TIMP2: variants seen among roughly 807,000 people sequenced by gnomAD.
The protein encoded by TIMP2 is TIMP metallopeptidase inhibitor 2.
In TIMP2, 5 loss-of-function variants were observed where a neutral mutation model predicts 24.3. The ratio of observed to expected loss-of-function variants is 0.21; its 90% CI spans 0.11 to 0.43. The LOEUF (loss-of-function observed/expected upper bound fraction) is 0.43, where lower values mean the gene tolerates loss of function less well. Among genes scored for constraint, TIMP2 ranks in the 20% least tolerant of loss-of-function variants. The probability of loss-of-function intolerance (pLI) is 1.00; values close to 1 mark genes in which losing one functional copy is unlikely to be tolerated. For synonymous variants in TIMP2, 130 were observed against 123.2 expected (o/e 1.06, Z -0.37); for missense variants, 221 against 297.5 (o/e 0.74, Z 1.89).
At chr17:78,901,636 T>C (rs140442353) in intron 1 of TIMP2, 6,963 of 692,834 alleles carry the variant, frequency 0.01, 66 homozygotes, top group South Asian at 0.026. Flanking sequence ...GAGTACTATG[T>C]GACCTAGGCC....
chr17:78,906,993 C>G (rs2070165174), intron 1 of TIMP2, among the ~76,000 whole-genome samples: 1 of 152,178 alleles, frequency 6.6e-6, no homozygotes, highest in East Asian at 1.9e-4. Context: ...GTCAGCCTAC[C>G]TTGGCTTTCA....
At chr17:78,897,669 G>C (rs1273900025) in intron 1 of TIMP2, 1 of 152,296 alleles carries the variant, frequency 6.6e-6, no homozygotes, top group African/African-American at 2.4e-5. Context: ...ACAATGGCAA[G>C]CATGGCCATC....
intron 1 of TIMP2, chr17:78,892,480 G>A: frequency 1.3e-6 from 2 of 1,534,674 alleles, no homozygotes; most frequent in East Asian, 4.9e-5. Flanking sequence ...GGGAGCACAA[G>A]TGCAGCTTTC....
intron 1 of TIMP2, among the ~76,000 whole-genome samples, chr17:78,894,220 C>A (rs2069963370): frequency 6.6e-6 from 1 of 151,920 alleles, no homozygotes; most frequent in South Asian, 2.1e-4. Context: ...GACAGGGAAA[C>A]TGAGGCAGGC....
chr17:78,867,690 G>A (rs1435946631), intron 3 of TIMP2, among the ~76,000 whole-genome samples: 1 of 151,210 alleles, frequency 6.6e-6, no homozygotes, highest in African/African-American at 2.4e-5. Context: ...CCGCCTCCCG[G>A]GTTCACGCCA....
At chr17:78,917,552 A>G (rs2070270604) in intron 1 of TIMP2, among the ~76,000 whole-genome samples, 1 of 152,256 alleles carries the variant, frequency 6.6e-6, no homozygotes, top group Non-Finnish European at 1.5e-5. Context: ...AGAAGCAGGT[A>G]TCTAAGACAT....
intron 1 of TIMP2, among the ~76,000 whole-genome samples, chr17:78,881,948 A>C (rs368955745): frequency 6.9e-6 from 1 of 144,082 alleles, no homozygotes; most frequent in Non-Finnish European, 1.5e-5. Flanking sequence ...TGGCTGGTCA[A>C]CCTGGCAGGG....
chr17:78,891,657 T>C lies in TIMP2; in HGVS notation c.131-17738A>G, dbSNP rs1345948480. On this transcript the variant is annotated intron_variant, in intron 1 of 4. Transcript: ENST00000262768. This position sits in a 1 kb window ranked among gnomAD's most constrained non-coding sequence, Gnocchi z 4.5. ...GCTGGAACAAAGCAAACTGCCCCCT[T>C]TCCCAGTTGCCTCCTCCCCGCCCGA... is the stretch of plus-strand genomic sequence containing the variant. 1 of 1,550,980 alleles carries C rather than the reference T, an allele frequency of 6.4e-7. No homozygotes were observed. Among genetic ancestry groups the C allele is most frequent in the Non-Finnish European group, 8.7e-7 (1 of 1,147,106 alleles).
intron 1 of TIMP2, among the ~76,000 whole-genome samples, chr17:78,887,533 C>T (rs555835290): frequency 2.0e-5 from 3 of 152,068 alleles, no homozygotes; most frequent in South Asian, 2.1e-4. Context: ...TACAAGTGCG[C>T]GCCGCCACGC....
In TIMP2 at chr17:78,896,879, T is replaced by C; in HGVS notation, c.131-22960A>G. On this transcript the variant is annotated intron_variant, in intron 1 of 4. Coordinates refer to ENST00000262768, the MANE Select transcript of TIMP2 (RefSeq NM_003255.5). The surrounding 1 kb of genome is among the most constrained non-coding windows in gnomAD (Gnocchi z 4.4). ...CCATGGCAGCTCCACCCCAGACCGA[T>C]CCGATCCCAGCACCTGGGCCCAGGA... The C allele has an allele frequency of 1.0e-6, 1 of 979,148 alleles. No individual in the cohort carries two copies. The highest frequency in any genetic ancestry group is 1.8e-5 in the African/African-American group (1 of 57,096). 60.7% of individuals were successfully genotyped at this position (979,148 alleles called of 1,614,324 possible).
At chr17:78,887,552 T>A (rs1357770841) in intron 1 of TIMP2, among the ~76,000 whole-genome samples, 1 of 152,124 alleles carries the variant, frequency 6.6e-6, no homozygotes, top group Non-Finnish European at 1.5e-5. Context: ...GCCCGGCTAA[T>A]TTCCGTATTT....
rs1300345491 is a variant in TIMP2, at chr17:78,923,260, C to T, written c.130+1699G>A. Among the ~76,000 whole-genome samples the T allele has an allele frequency of 3.9e-5, 6 of 152,076 alleles. No individual in the cohort carries two copies. In the South Asian group the frequency reaches 1.2e-3, roughly 31 times the overall value. ...GAGGCACGCACTGCAGCCCTCCACCCTCTGCCATCCTGGATCCACACCCCA... is the reference window on the plus strand; with the variant it reads ...GAGGCACGCACTGCAGCCCTCCACCTTCTGCCATCCTGGATCCACACCCCA... On this transcript the variant is annotated intron_variant, in intron 1 of 4. Coordinates refer to ENST00000262768, the MANE Select transcript of TIMP2 (RefSeq NM_003255.5).
At chr17:78,906,460 A>C (rs187269052) in intron 1 of TIMP2, among the ~76,000 whole-genome samples, 64 of 152,360 alleles carry the variant, frequency 4.2e-4, no homozygotes, top group African/African-American at 1.5e-3. Flanking sequence ...CGACCTAGTG[A>C]GTCCAGTCTT....
chr17:78,863,582 T>A (rs1259153506), intron 3 of TIMP2, among the ~76,000 whole-genome samples: 2 of 152,166 alleles, frequency 1.3e-5, no homozygotes, highest in Non-Finnish European at 1.5e-5. Context: ...AATCTTTCAA[T>A]GTCAGCTTTC....
Position 78,903,465 on chromosome 17 carries a change from T to G in TIMP2, c.130+21494A>C, listed in dbSNP as rs143254251. On this transcript the variant is annotated intron_variant, in intron 1 of 4. Transcript: ENST00000262768. ...ATCTTTTTGTCCCCAGCTGGCTGCA[T>G]GGAGACCTCCCAGGGTGTCATTCTC... Among the ~76,000 whole-genome samples, 299 of 152,272 alleles carry G rather than the reference T, an allele frequency of 2.0e-3. 2 individuals carry two copies. The highest frequency in any genetic ancestry group is 6.8e-3 in the African/African-American group (281 of 41,574).
Position 78,925,102 on chromosome 17 carries a change from G to T in TIMP2, c.-14C>A. 1.1e-6 allele frequency: 1 copy of T among 940,524 alleles called. No individual in the cohort carries two copies. The highest frequency in any genetic ancestry group is 1.3e-6 in the Non-Finnish European group (1 of 791,450). 58.3% of individuals were successfully genotyped at this position (940,524 alleles called of 1,614,324 possible). On this transcript the variant is annotated 5_prime_UTR_variant, in exon 1 of 5. Coordinates refer to ENST00000262768, the MANE Select transcript of TIMP2 (RefSeq NM_003255.5). Reference sequence around the variant, plus strand: ...CGCGGCGCCCATGGCGGGCCGGGGGGCTGGGCGGGCGGGGGCCGCCGCTGG... The same window carrying T: ...CGCGGCGCCCATGGCGGGCCGGGGGTCTGGGCGGGCGGGGGCCGCCGCTGG...
chr17:78,862,744 C>T (rs905904775), intron 3 of TIMP2, among the ~76,000 whole-genome samples: 1 of 152,226 alleles, frequency 6.6e-6, no homozygotes, highest in Non-Finnish European at 1.5e-5. Context: ...CCCAGTGTCT[C>T]TTGTTCACAT....
intron 2 of TIMP2, 77 bp downstream of exon 2, chr17:78,873,742 A>G: frequency 8.2e-7 from 1 of 1,224,508 alleles, no homozygotes; most frequent in Non-Finnish European, 1.2e-6. Flanking sequence ...TGTTCCAGGG[A>G]CCCAGGCTCT....
In TIMP2 at chr17:78,891,731, G is replaced by C; in HGVS notation, c.131-17812C>G. On this transcript the variant is annotated intron_variant, in intron 1 of 4. Coordinates refer to ENST00000262768, the MANE Select transcript of TIMP2 (RefSeq NM_003255.5). The surrounding 1 kb of genome is among the most constrained non-coding windows in gnomAD (Gnocchi z 4.5). ...CACAAGCCCGATTTCTCCCACAGCA[G>C]CCACGAGTGGGTTTGACCTTTCTAG... The C allele has an allele frequency of 6.4e-7, 1 of 1,551,238 alleles. No homozygotes were observed. The highest frequency in any genetic ancestry group is 1.2e-5 in the South Asian group (1 of 84,062).
Sources: gnomAD v4.1 joint callset for allele counts (sites outside exome capture counted in the v4.1 genomes callset) on GRCh38, gnomAD v4.1.1 for gene constraint, Gnocchi (gnomAD v3.1) non-coding constraint, MANE v1.5 for transcripts, NCBI Gene and HGNC (gene_info 2026-07-23, HGNC 2026-07-21) for gene names.